Variants in PCBP3 observed in about 807,000 individuals in gnomAD.
PCBP3 encodes the protein poly(rC)-binding protein 3.
Under a neutral mutation model 52.7 loss-of-function variants are expected in PCBP3, and 25 were observed. The ratio of observed to expected loss-of-function variants is 0.47; its 90% CI spans 0.35 to 0.66. PCBP3 has a LOEUF of 0.66. PCBP3 is among the 30% of genes least tolerant of loss of function. The pLI is 0.01. For missense variants in PCBP3, 391 were observed against 490.3 expected, an observed-to-expected ratio of 0.80 and a Z score of 1.91; for synonymous variants, 162 against 183.0, an observed-to-expected ratio of 0.89 and a Z score of 0.93.
chr21:45,909,973 C>A (rs1240052702), intron 10 of PCBP3, among the ~76,000 whole-genome samples: 9 of 84,320 alleles, frequency 1.1e-4, no homozygotes, highest in African/African-American at 4.2e-4. Context: ...CCCACACACA[C>A]TTCCCAGATA....
At chr21:45,845,886 T>C (rs986955395) in intron 4 of PCBP3, among the ~76,000 whole-genome samples, 20 of 152,226 alleles carry the variant, frequency 1.3e-4, no homozygotes, top group African/African-American at 4.6e-4. Flanking sequence ...TTAAAGCCAT[T>C]GCTCTGCTGT....
chr21:45,811,889 C>T (rs2092695989), intron 4 of PCBP3, among the ~76,000 whole-genome samples: 1 of 152,054 alleles, frequency 6.6e-6, no homozygotes, highest in Non-Finnish European at 1.5e-5. Flanking sequence ...ATTCTTCCTT[C>T]TTCTTATATG....
At chr21:45,828,923 C>T (rs530889033) in intron 4 of PCBP3, 31 of 152,582 alleles carry the variant, frequency 2.0e-4, no homozygotes, top group African/African-American at 7.0e-4. Flanking sequence ...CCCGTGCCCC[C>T]TAGCAGCTCT....
At chr21:45,858,073 T>C (rs1032060609) in intron 5 of PCBP3, among the ~76,000 whole-genome samples, 1 of 152,220 alleles carries the variant, frequency 6.6e-6, no homozygotes, top group Non-Finnish European at 1.5e-5. Flanking sequence ...GGGAGCCTCA[T>C]GGACCTCCCT....
At chr21:45,809,989 T>A (rs571264751) in intron 4 of PCBP3, among the ~76,000 whole-genome samples, 1 of 152,282 alleles carries the variant, frequency 6.6e-6, no homozygotes, top group East Asian at 1.9e-4. Context: ...AGCACATCAA[T>A]AATCAGGGTG....
In PCBP3 at chr21:45,896,401, C is replaced by T. The variant is rs562630605; in HGVS notation, c.165+39C>T. ...CCATTGTCTCTGTAGGAAAGGCGGC[C>T]GCGGCAGACAGAACCAGAGATGCAC... On this transcript the variant is annotated intron_variant, in intron 6 of 17. Transcript: ENST00000681687. 6.2e-5 allele frequency: 96 copies of T among 1,542,458 alleles called. 1 individual carries two copies. In the South Asian group the frequency reaches 6.9e-4, roughly 11 times the overall value.
intron 1 of PCBP3, among the ~76,000 whole-genome samples, chr21:45,668,242 T>C (rs1034007303): frequency 1.3e-5 from 2 of 152,182 alleles, no homozygotes; most frequent in African/African-American, 2.4e-5. Context: ...TTTAATACCC[T>C]GTGGGCATCT....
intron 4 of PCBP3, among the ~76,000 whole-genome samples, chr21:45,815,640 GA>G (rs1159191316): frequency 5.4e-5 from 3 of 55,098 alleles, no homozygotes; most frequent in African/African-American, 3.4e-4. Flanking sequence ...GGTGAGTGGT[GA>G]GTGAGTGGTG....
chr21:45,772,413 G>T (rs933508913), intron 4 of PCBP3, among the ~76,000 whole-genome samples: 2 of 152,204 alleles, frequency 1.3e-5, no homozygotes, highest in Middle Eastern at 3.4e-3. Flanking sequence ...TTTTAAGGCT[G>T]CATAGTATTC....
In PCBP3 at chr21:45,676,471, C is replaced by G. The variant is rs182258852; in HGVS notation, c.-200+7519C>G. 3.1e-3 allele frequency among the ~76,000 whole-genome samples: 476 copies of G among 152,190 alleles called. 2 individuals are homozygous for G. The highest frequency in any genetic ancestry group is 4.7e-3 in the Non-Finnish European group (320 of 68,010). On this transcript the variant is annotated intron_variant, in intron 2 of 17. Transcript: ENST00000681687. ...TTGCTTACTTCATGTCTCTGTGTCA[C>G]ATTTTAGTACTTCTCATGATATTTC... is the stretch of plus-strand genomic sequence containing the variant.
chr21:45,921,110 A>G (rs1471648323), intron 13 of PCBP3, among the ~76,000 whole-genome samples: 1 of 151,610 alleles, frequency 6.6e-6, no homozygotes, highest in African/African-American at 2.4e-5. Context: ...ACAAAAATAA[A>G]ATGATTGTTT....
intron 4 of PCBP3, among the ~76,000 whole-genome samples, chr21:45,777,379 CATAAT>C (rs2090337312): frequency 6.6e-6 from 1 of 152,164 alleles, no homozygotes; most frequent in African/African-American, 2.4e-5. Flanking sequence ...GAGATTTTGA[CATAAT>C]ATGCTACAGA....
Position 45,736,787 on chromosome 21 carries a change from G to A in PCBP3, c.-162+1358G>A, listed in dbSNP as rs546587413. ...ACAGTGTGCCTGTGATGTCCCAGGC[G>A]CACTGCCAGAATCCTGACATCCTTG... On this transcript the variant is annotated intron_variant, in intron 3 of 17. Transcript: ENST00000681687. This position sits in a 1 kb window ranked among gnomAD's most constrained non-coding sequence, Gnocchi z 4.6. Among the ~76,000 whole-genome samples the A allele has an allele frequency of 1.8e-4, 28 of 152,286 alleles. No individual in the cohort carries two copies. The highest frequency in any genetic ancestry group is 3.5e-4 in the Non-Finnish European group (24 of 68,026).
chr21:45,745,717 C>T (rs1007234637), intron 3 of PCBP3, among the ~76,000 whole-genome samples: 2 of 152,166 alleles, frequency 1.3e-5, no homozygotes, highest in Non-Finnish European at 2.9e-5. Context: ...TCTGTCTTCA[C>T]GGAGAAAGGG....
intron 13 of PCBP3, among the ~76,000 whole-genome samples, chr21:45,929,429 G>A (rs1282753239): frequency 6.6e-6 from 1 of 152,194 alleles, no homozygotes; most frequent in African/African-American, 2.4e-5. Context: ...GAGGGGAGTG[G>A]GCCAGGCCTA....
At chr21:45,941,584 G>A in intron 17 of PCBP3, 86 bp from the exon 18 acceptor site, 2 of 1,265,426 alleles carry the variant, frequency 1.6e-6, no homozygotes, top group Non-Finnish European at 2.2e-6. Context: ...CGAGCACAGA[G>A]GCCACACAGC....
intron 16 of PCBP3, among the ~76,000 whole-genome samples, chr21:45,937,019 C>T (rs939380319): frequency 6.6e-6 from 1 of 152,150 alleles, no homozygotes; most frequent in African/African-American, 2.4e-5. Flanking sequence ...CACCAGCACC[C>T]CCAGATTTTG....
intron 2 of PCBP3, among the ~76,000 whole-genome samples, chr21:45,670,202 G>A (rs1329651204): frequency 1.3e-5 from 2 of 152,078 alleles, no homozygotes; most frequent in Non-Finnish European, 2.9e-5. Context: ...TTTCTCTAAT[G>A]ATTAGTAATG....
chr21:45,813,815 C>T (rs1246133101), intron 4 of PCBP3, among the ~76,000 whole-genome samples: 1 of 152,218 alleles, frequency 6.6e-6, no homozygotes, highest in Non-Finnish European at 1.5e-5. Context: ...AATGTGTCTG[C>T]CATCTCTTTA....
Sources: allele counts gnomAD v4.1 joint callset (sites outside exome capture counted in the v4.1 genomes callset), GRCh38; gene constraint gnomAD v4.1.1; non-coding constraint Gnocchi (gnomAD v3.1); transcripts MANE v1.5; gene names NCBI Gene and HGNC (gene_info 2026-07-23, HGNC 2026-07-21).